The following SCN9A variants were observed in gnomAD, a reference collection of about 807,000 sequenced individuals.
SCN9A encodes the protein sodium voltage-gated channel alpha subunit 9, also known as sodium channel protein type 9 subunit alpha.
Under a neutral mutation model 187.0 loss-of-function variants are expected in SCN9A, and 131 were observed. The observed-to-expected ratio is 0.70, with a 90% CI of 0.61 to 0.81. The LOEUF (loss-of-function observed/expected upper bound fraction) is 0.81. SCN9A is among the 30% of genes least tolerant of loss of function. SCN9A has a pLI of 0.00. For synonymous variants in SCN9A, 809 were observed against 808.6 expected, an observed-to-expected ratio of 1.00 and a Z score of -0.01; for missense variants, 2,252 against 2,396.6, an observed-to-expected ratio of 0.94 and a Z score of 1.26.
Position 166,197,537 on chromosome 2 carries a change from T to C in SCN9A, c.*1135A>G, listed in dbSNP as rs1693279431. On this transcript the variant is annotated 3_prime_UTR_variant, in exon 27 of 27. Coordinates refer to ENST00000642356, the MANE Select transcript of SCN9A (RefSeq NM_001365536.1). Reference sequence around the variant, plus strand: ...TATTTCAATGCTTTTTTATTCATACTAAACACATATCTGTGTAAAGTCTGT... The same window carrying C: ...TATTTCAATGCTTTTTTATTCATACCAAACACATATCTGTGTAAAGTCTGT... The C allele has an allele frequency of 6.7e-6, 1 of 150,008 alleles. No homozygotes were observed. The highest frequency in any genetic ancestry group is 2.1e-4 in the South Asian group (1 of 4,788). 9.3% of individuals were successfully genotyped at this position (150,008 alleles called of 1,614,324 possible). A position where few individuals can be genotyped will look rare whatever the true frequency, so the allele number is the denominator to read the frequency against.
intron 20 of SCN9A, among the ~76,000 whole-genome samples, chr2:166,233,775 A>G (rs1695197523): frequency 6.6e-6 from 1 of 152,172 alleles, no homozygotes; most frequent in Non-Finnish European, 1.5e-5. Flanking sequence ...TAAATCTAAA[A>G]ATTTAATTAG....
At chr2:166,278,413 C>G in intron 14 of SCN9A, 100 bp from the exon 15 acceptor site, 1 of 1,004,512 alleles carries the variant, frequency 1.0e-6, no homozygotes, top group Non-Finnish European at 1.4e-6. Context: ...GTGTTCCAGA[C>G]AGTTTGCTAA....
chr2:166,203,665 A>G (rs1211656412), intron 26 of SCN9A, among the ~76,000 whole-genome samples: 6 of 151,968 alleles, frequency 3.9e-5, no homozygotes, highest in Admixed American at 1.3e-4. Context: ...AGCTATATAT[A>G]AACATGGTAA....
chr2:166,306,817 A>G lies in SCN9A; in HGVS notation c.377+139T>C. On this transcript the variant is annotated intron_variant, in intron 3 of 26. Transcript: ENST00000642356. The stretch of plus-strand genomic sequence containing the variant: ...CAGTCTTCTCTGAGACCCATGACAA[A>G]TTATATTAATAATACTGAAATTAAT... The G allele has an allele frequency of 6.2e-6, 4 of 641,816 alleles. No individual in the cohort carries two copies. The South Asian group carries it at 8.2e-5, about 13-fold the overall frequency. 39.8% of individuals were successfully genotyped at this position (641,816 alleles called of 1,614,324 possible). A position where few individuals can be genotyped will look rare whatever the true frequency, so the allele number is the denominator to read the frequency against.
At position 166,280,565 on chromosome 2, in the gene SCN9A, G is replaced by A. The variant is rs867106113; in HGVS notation, c.2135C>T (p.Pro712Leu). Residue 712 changes from proline (P) to leucine (L), a missense_variant, in exon 14 of 27, where the codon CCT (proline) becomes CTT (leucine). Physicochemically the swap from Pro to Leu is moderately conservative, Grantham distance 98. Transcript: ENST00000642356. Reference protein sequence around the residue: ...ELEESRQKCPPWWYRFAHKFL... With the variant: ...ELEESRQKCPLWWYRFAHKFL... ...TTTGTGTGCAAATCTGTACCACCAA[G>A]GTGGACATTTTTGTCTGGACTCTTC... The A allele has an allele frequency of 3.2e-6, 5 of 1,586,128 alleles. No homozygotes were observed. The highest frequency in any genetic ancestry group is 3.4e-6 in the Non-Finnish European group (4 of 1,164,068).
In SCN9A at chr2:166,352,049, T is replaced by C. The variant is rs530143022; in HGVS notation, c.-51+23648A>G. On this transcript the variant is annotated intron_variant, in intron 1 of 26. Transcript: ENST00000642356. ...TCTATGGCGTTTCTTAAGAAACACG[T>C]ACAATGTTAAAATAGTACTTGACAT... Among the ~76,000 whole-genome samples the C allele has an allele frequency of 1.8e-4, 27 of 152,274 alleles. No individual in the cohort carries two copies. The South Asian group carries it at 5.6e-3, about 32-fold the overall frequency.
Position 166,337,750 on chromosome 2 carries a change from T to C in SCN9A, c.-50-25944A>G, listed in dbSNP as rs75773428. ...TTCTTTTTAATCCAGACTCCAACAC[T>C]GAAAAGCTAGGTCACCTTAGTTAAG... On this transcript the variant is annotated intron_variant, in intron 1 of 26. Coordinates refer to ENST00000642356, the MANE Select transcript of SCN9A (RefSeq NM_001365536.1). Among the ~76,000 whole-genome samples the C allele has an allele frequency of 9.8e-3, 1,489 of 152,226 alleles. 33 individuals are homozygous for C. Among genetic ancestry groups the C allele is most frequent in the African/African-American group, 0.033 (1,355 of 41,580 alleles).
intron 1 of SCN9A, among the ~76,000 whole-genome samples, chr2:166,368,899 A>C (rs1352006834): frequency 2.6e-5 from 4 of 151,368 alleles, no homozygotes; most frequent in South Asian, 4.2e-4. Context: ...AGGCAGGAGA[A>C]TTGCTTGAAC....
In SCN9A at chr2:166,198,877, T is replaced by A. The variant is rs910761183; in HGVS notation, c.5762A>T (p.Asp1921Val). The A allele has an allele frequency of 8.7e-6, 14 of 1,613,690 alleles. No individual in the cohort carries two copies. Among genetic ancestry groups the A allele is most frequent in the African/African-American group, 1.3e-5 (1 of 74,910 alleles). ...TTTATTGAGTAAATCATCATCTCTG[T>A]CTCCATCTTTTATGTATATACTTGA... ...NISSIYIKDG[D>V]RDDDLLNKKD... The change falls in exon 27 of 27, where the codon GAC becomes GTC. Residue 1921 changes from aspartate to valine, a missense_variant. By Grantham distance (152) the Asp-to-Val change is radical. This residue lies in a region of SCN9A where 345 missense variants were observed against 344.6 expected (regional missense o/e 1.00). Transcript: ENST00000642356.
At chr2:166,306,225 T>C (rs753690596) in intron 4 of SCN9A, among the ~76,000 whole-genome samples, 6 of 152,114 alleles carry the variant, frequency 3.9e-5, no homozygotes, top group Non-Finnish European at 7.4e-5. Flanking sequence ...AATACACCCA[T>C]ATAATTATAA....
intron 9 of SCN9A, among the ~76,000 whole-genome samples, chr2:166,289,995 C>G (rs779486442): frequency 2.0e-5 from 3 of 152,104 alleles, no homozygotes; most frequent in Non-Finnish European, 4.4e-5. Flanking sequence ...GTTTGCTCCA[C>G]CTATCAACCC....
chr2:166,204,922 A>T (rs1693725127), intron 24 of SCN9A: 1 of 152,546 alleles, frequency 6.6e-6, no homozygotes, highest in South Asian at 2.1e-4. Flanking sequence ...TACTACAAAG[A>T]GAATAAAATA....
At position 166,347,924 on chromosome 2, in the gene SCN9A, G is replaced by A. The variant is rs544064839; in HGVS notation, c.-51+27773C>T. On this transcript the variant is annotated intron_variant, in intron 1 of 26. Transcript: ENST00000642356. Reference sequence around the variant, plus strand: ...TATTTAAAAAAAAACACATAGGATCGGAGTGCCAGATAAAATACATGGTGT... The same window carrying A: ...TATTTAAAAAAAAACACATAGGATCAGAGTGCCAGATAAAATACATGGTGT... Among the ~76,000 whole-genome samples the A allele has an allele frequency of 2.6e-5, 4 of 152,126 alleles. No homozygotes were observed. In the South Asian group the frequency reaches 8.3e-4, roughly 32 times the overall value.
At chr2:166,356,738 A>C (rs1385109147) in intron 1 of SCN9A, among the ~76,000 whole-genome samples, 1 of 152,156 alleles carries the variant, frequency 6.6e-6, no homozygotes, top group Non-Finnish European at 1.5e-5. Flanking sequence ...ATTGTTTCAT[A>C]CCTTCCTTCG....
chr2:166,260,857 A>G (rs1435106005), intron 17 of SCN9A, among the ~76,000 whole-genome samples: 1 of 151,900 alleles, frequency 6.6e-6, no homozygotes, highest in Non-Finnish European at 1.5e-5. Context: ...ATACAGGTAG[A>G]ATGAAGTTTA....
At chr2:166,252,066 T>C (rs115384770) in intron 17 of SCN9A, among the ~76,000 whole-genome samples, 181 bp from the exon 18 acceptor site, 29 of 152,066 alleles carry the variant, frequency 1.9e-4, no homozygotes, top group African/African-American at 7.0e-4. Context: ...GTATCTATAC[T>C]TGATCTTTCT....
intron 1 of SCN9A, among the ~76,000 whole-genome samples, chr2:166,344,012 G>T (rs1164020941): frequency 1.3e-5 from 2 of 152,148 alleles, no homozygotes; most frequent in Admixed American, 6.5e-5. Context: ...TGAGATAACA[G>T]ATTAGGATCA....
chr2:166,295,723 T>C (rs1297761704), intron 7 of SCN9A, among the ~76,000 whole-genome samples: 1 of 152,166 alleles, frequency 6.6e-6, no homozygotes, highest in Non-Finnish European at 1.5e-5. Flanking sequence ...TTTCTAAAAT[T>C]ATCTTACTTT....
chr2:166,255,588 C>T (rs2106432860), intron 17 of SCN9A, among the ~76,000 whole-genome samples: 1 of 151,438 alleles, frequency 6.6e-6, no homozygotes, highest in African/African-American at 2.4e-5. Context: ...GTACAAAACA[C>T]AGAACTCAAC....
Sources: gnomAD v4.1 joint callset for allele counts (sites outside exome capture counted in the v4.1 genomes callset) on GRCh38, gnomAD v4.1.1 for gene constraint, gnomAD v4.1.1 regional missense constraint, MANE v1.5 for transcripts, NCBI Gene and HGNC (gene_info 2026-07-23, HGNC 2026-07-21) for gene names.